FYN: variants seen among roughly 807,000 people sequenced by gnomAD.
The protein encoded by FYN is tyrosine-protein kinase Fyn.
A neutral mutation model predicts 70.2 loss-of-function variants in FYN; 10 were observed. That is an observed-to-expected ratio of 0.14 (90% CI 0.09 to 0.24). The LOEUF is 0.24. Ranked by LOEUF, FYN falls within the 10% of genes least tolerant of loss-of-function variation. The probability of loss-of-function intolerance (pLI) is 1.00; values close to 1 mark genes in which losing one functional copy is unlikely to be tolerated. For missense variants in FYN, 319 were observed against 673.1 expected (o/e 0.47, Z 5.82); for synonymous variants, 236 against 248.6 (o/e 0.95, Z 0.48).
chr6:111,795,278 G>A lies in FYN; in HGVS notation c.-81-14643C>T, dbSNP rs1771768438. Among the ~76,000 whole-genome samples the A allele has an allele frequency of 1.3e-5, 2 of 152,146 alleles. 1 individual carries two copies. The highest frequency in any genetic ancestry group is 4.1e-4 in the South Asian group (2 of 4,834). On this transcript the variant is annotated intron_variant, in intron 2 of 13. Transcript: ENST00000354650. Reference sequence around the variant, plus strand: ...CAATATGACTAGTATCCCTATAAGAGGAGGAGATTAGGACACAGATACACA... The same window carrying A: ...CAATATGACTAGTATCCCTATAAGAAGAGGAGATTAGGACACAGATACACA...
intron 2 of FYN, among the ~76,000 whole-genome samples, chr6:111,783,381 T>G (rs1018987861): frequency 3.3e-5 from 5 of 152,076 alleles, no homozygotes; most frequent in Admixed American, 6.5e-5. Flanking sequence ...AAGGCTGGAT[T>G]TGGCACACTC....
At chr6:111,702,573 G>T in intron 8 of FYN, 1 of 213,300 alleles carries the variant, frequency 4.7e-6, no homozygotes. Context: ...CACATGCAAC[G>T]CGGGGAATGG....
At chr6:111,676,368 A>AT (rs966242192) in intron 12 of FYN, 2 of 152,188 alleles carry the variant, frequency 1.3e-5, no homozygotes, top group Non-Finnish European at 2.9e-5. Flanking sequence ...GCATGGAGTT[A>AT]TTTTTAATTA....
chr6:111,796,606 G>A (rs1289780413), intron 2 of FYN, among the ~76,000 whole-genome samples: 1 of 151,890 alleles, frequency 6.6e-6, no homozygotes, highest in Non-Finnish European at 1.5e-5. Flanking sequence ...TCCAATTGAA[G>A]AAAAAAAATG....
At chr6:111,852,149 G>A (rs906018429) in intron 1 of FYN, among the ~76,000 whole-genome samples, 1 of 152,146 alleles carries the variant, frequency 6.6e-6, no homozygotes, top group Non-Finnish European at 1.5e-5. Flanking sequence ...CACAGAGGGG[G>A]TTCCATTATC....
rs1393500422 is a variant in FYN, at chr6:111,705,574, AGTG to A, written c.444-1475_444-1473del. Among the ~76,000 whole-genome samples, 10 of 152,098 alleles carry A rather than the reference AGTG, an allele frequency of 6.6e-5. No individual in the cohort carries two copies. In the East Asian group the frequency reaches 1.7e-3, roughly 27 times the overall value. On this transcript the variant is annotated intron_variant, in intron 6 of 13. Transcript: ENST00000354650. ...AAAAATTTTTTTTGTAGAGGCTAAG[AGTG>A]GTGGCTCATGATTGTAATTCCAGCA... is the stretch of plus-strand genomic sequence containing the variant.
chr6:111,712,591 TA>T, intron 5 of FYN, among the ~76,000 whole-genome samples: 1 of 152,342 alleles, frequency 6.6e-6, no homozygotes, highest in East Asian at 1.9e-4. Flanking sequence ...GGCAGTTTCC[TA>T]ATCTGGGCCT....
chr6:111,775,851 C>T (rs1457416536), intron 3 of FYN, among the ~76,000 whole-genome samples: 1 of 152,162 alleles, frequency 6.6e-6, no homozygotes, highest in Non-Finnish European at 1.5e-5. Flanking sequence ...TCAGGGACAC[C>T]TCTCCAGAGG....
At chr6:111,707,813 T>C in intron 6 of FYN, 109 bp downstream of exon 6, 1 of 828,268 alleles carries the variant, frequency 1.2e-6, no homozygotes, top group Non-Finnish European at 2.0e-6. Flanking sequence ...AACTCAGCCT[T>C]AATCACTGCT....
intron 1 of FYN, among the ~76,000 whole-genome samples, chr6:111,870,643 C>T (rs1283889222): frequency 6.6e-6 from 1 of 152,106 alleles, no homozygotes; most frequent in African/African-American, 2.4e-5. Flanking sequence ...AAACATAATG[C>T]CTGCTGCCAA....
intron 2 of FYN, among the ~76,000 whole-genome samples, chr6:111,797,631 A>G (rs1771846781): frequency 6.9e-6 from 1 of 145,272 alleles, no homozygotes; most frequent in Non-Finnish European, 1.5e-5. Context: ...CTTAATATTA[A>G]ATGAAAGAAG....
At position 111,798,590 on chromosome 6, in the gene FYN, G is replaced by A. The variant is rs193025039; in HGVS notation, c.-81-17955C>T. Reference sequence around the variant, plus strand: ...ACATACCCTGATCCTTGCAAGATGCGGTGGAAGTCTGGGCTGGGTAGTAAC... The same window carrying A: ...ACATACCCTGATCCTTGCAAGATGCAGTGGAAGTCTGGGCTGGGTAGTAAC... On this transcript the variant is annotated intron_variant, in intron 2 of 13. Coordinates refer to ENST00000354650, the MANE Select transcript of FYN (RefSeq NM_002037.5). Among the ~76,000 whole-genome samples the A allele has an allele frequency of 1.3e-5, 2 of 152,232 alleles. 1 individual carries two copies. The highest frequency in any genetic ancestry group is 3.9e-4 in the East Asian group (2 of 5,182).
chr6:111,865,940 C>T (rs1026604185), intron 1 of FYN, among the ~76,000 whole-genome samples: 1 of 152,130 alleles, frequency 6.6e-6, no homozygotes, highest in African/African-American at 2.4e-5. Context: ...TCAATCATAC[C>T]ATGTAAGTAA....
chr6:111,861,926 C>T (rs767035865), intron 1 of FYN, among the ~76,000 whole-genome samples: 12 of 152,242 alleles, frequency 7.9e-5, no homozygotes, highest in Non-Finnish European at 1.8e-4. Flanking sequence ...ACAGAACCCT[C>T]TTCCTATGCT....
intron 2 of FYN, among the ~76,000 whole-genome samples, chr6:111,837,785 A>G (rs62413716): frequency 0.19 from 28,586 of 151,030 alleles, 3,633 homozygotes; most frequent in African/African-American, 0.35. Context: ...TCAAGCCCCC[A>G]AGGCTCACAT....
intron 1 of FYN, among the ~76,000 whole-genome samples, chr6:111,864,768 C>T (rs547718284): frequency 1.3e-5 from 2 of 152,330 alleles, no homozygotes; most frequent in Admixed American, 6.5e-5. Flanking sequence ...GGAACCACAG[C>T]TCTGGAGCAA....
chr6:111,872,315 A>G lies in FYN; in HGVS notation c.-123+653T>C, dbSNP rs574095453. On this transcript the variant is annotated intron_variant, in intron 1 of 13. Transcript: ENST00000354650. ...GAGGAAATCCAGCGAGGGAGCCGGA[A>G]AGGAAGGAGAAAAGAGCTGGAGGGA... Among the ~76,000 whole-genome samples the G allele has an allele frequency of 1.4e-3, 201 of 148,366 alleles. 2 individuals are homozygous for G. Among genetic ancestry groups the G allele is most frequent in the African/African-American group, 4.8e-3 (194 of 40,722 alleles).
At chr6:111,839,482 T>C (rs2114450173) in intron 2 of FYN, among the ~76,000 whole-genome samples, 2 of 152,168 alleles carry the variant, frequency 1.3e-5, no homozygotes, top group Middle Eastern at 6.8e-3. Flanking sequence ...AGATGTAATA[T>C]TGGTCTGCAT....
At chr6:111,869,685 C>T (rs992131461) in intron 1 of FYN, among the ~76,000 whole-genome samples, 1 of 152,222 alleles carries the variant, frequency 6.6e-6, no homozygotes, top group Non-Finnish European at 1.5e-5. Context: ...TGAGCTGCAA[C>T]ATCCAGAAGG....
Sources: allele counts gnomAD v4.1 joint callset (sites outside exome capture counted in the v4.1 genomes callset), GRCh38; gene constraint gnomAD v4.1.1; transcripts MANE v1.5; gene names NCBI Gene and HGNC (gene_info 2026-07-23, HGNC 2026-07-21).